TRANK1: variants seen among roughly 807,000 people sequenced by gnomAD.
The protein encoded by TRANK1 is tetratricopeptide repeat and ankyrin repeat containing 1.
In TRANK1, 198 loss-of-function variants were observed where a neutral mutation model predicts 266.0. That is an observed-to-expected ratio of 0.74 (90% CI 0.66 to 0.84). The LOEUF (loss-of-function observed/expected upper bound fraction) is 0.84, where lower values mean the gene tolerates loss of function less well. Among genes scored for constraint, TRANK1 ranks in the 40% least tolerant of loss-of-function variants. The pLI, the probability that TRANK1 is intolerant of heterozygous loss-of-function variation, is 0.00. For missense variants in TRANK1, 3,326 were observed against 3,634.6 expected (o/e 0.92, Z 2.18); for synonymous variants, 1,396 against 1,384.1 (o/e 1.01, Z -0.19).
chr3:36,923,946 A>T (rs2080252785), intron 1 of TRANK1, among the ~76,000 whole-genome samples: 1 of 151,628 alleles, frequency 6.6e-6, no homozygotes, highest in Non-Finnish European at 1.5e-5. Context: ...CCTGAAGGGA[A>T]GAAGACTCTC....
rs777917385 is a variant in TRANK1 at position 36,831,309 on chromosome 3, G to T, written c.8274C>A (p.Asn2758Lys). The T allele has an allele frequency of 5.6e-6, 9 of 1,613,346 alleles. No individual in the cohort carries two copies. Among genetic ancestry groups the T allele is most frequent in the South Asian group, 2.2e-5 (2 of 91,066 alleles). Residue 2758 changes from asparagine (N) to lysine (K), a missense_variant, in exon 22 of 24, where the codon AAC becomes AAA. Transcript: ENST00000645898. The surrounding 1 kb of genome is among the most constrained non-coding windows in gnomAD (Gnocchi z 5.0). ...REEAREPRAG[N>K]FKKADVDRTQ... is the part of the protein sequence containing the mutation. ...TCCTGTCCACGTCTGCCTTTTTGAA[G>T]TTCCCAGCCCTGGGCTCCCTGGCCT... is the stretch of plus-strand genomic sequence containing the variant.
intron 1 of TRANK1, among the ~76,000 whole-genome samples, chr3:36,926,581 G>C (rs1209794789): frequency 6.6e-6 from 1 of 151,934 alleles, no homozygotes; most frequent in Non-Finnish European, 1.5e-5. Flanking sequence ...GAAACTCCAA[G>C]GGGTCTGGCC....
At chr3:36,935,445 C>CTTTTTTT (rs11374436) in intron 1 of TRANK1, among the ~76,000 whole-genome samples, 4 of 83,704 alleles carry the variant, frequency 4.8e-5, no homozygotes, top group Admixed American at 1.4e-4. Flanking sequence ...TGCCTGAATT[C>CTTTTTTT]TTTTTTTTTT....
chr3:36,855,764 A>G lies in TRANK1; in HGVS notation c.3958T>C (p.Tyr1320His). 6.2e-7 allele frequency: 1 copy of G among 1,613,586 alleles called. No individual in the cohort carries two copies. The highest frequency in any genetic ancestry group is 8.5e-7 in the Non-Finnish European group (1 of 1,179,808). ...MRTGDSDPRVYVTFEVFKNEI... is the reference protein window; with the variant it reads ...MRTGDSDPRVHVTFEVFKNEI... Reference sequence around the variant, plus strand: ...TTTTTGAACACCTCAAACGTCACGTACACCCGGGGGTCACTGTCACCCGTA... The same window carrying G: ...TTTTTGAACACCTCAAACGTCACGTGCACCCGGGGGTCACTGTCACCCGTA... The change falls in exon 13 of 24, where the codon TAC becomes CAC. Residue 1320 changes from tyrosine (Y) to histidine (H), a missense_variant. Transcript: ENST00000645898.
At chr3:36,908,133 T>C (rs1264167901) in intron 2 of TRANK1, among the ~76,000 whole-genome samples, 190 bp downstream of exon 2, 1 of 152,236 alleles carries the variant, frequency 6.6e-6, no homozygotes, top group African/African-American at 2.4e-5. Context: ...TCCTCTATGT[T>C]TCACTTTCTA....
At chr3:36,873,955 T>C (rs2079347337) in intron 9 of TRANK1, among the ~76,000 whole-genome samples, 171 bp downstream of exon 9, 1 of 146,770 alleles carries the variant, frequency 6.8e-6, no homozygotes, top group South Asian at 2.1e-4. Context: ...CATTCTACCT[T>C]TAAAAAAAAA....
At chr3:36,830,563 G>A (rs1362891265) in intron 22 of TRANK1, among the ~76,000 whole-genome samples, 1 of 152,164 alleles carries the variant, frequency 6.6e-6, no homozygotes, top group East Asian at 1.9e-4. Context: ...CATTCTGACT[G>A]CCAGGAGAGA....
intron 20 of TRANK1, 24 bp from the exon 21 acceptor site, chr3:36,834,931 T>C: frequency 6.3e-7 from 1 of 1,582,460 alleles, no homozygotes; most frequent in Non-Finnish European, 8.6e-7. Flanking sequence ...AATTTTACTT[T>C]TATTTAGAGT....
intron 1 of TRANK1, among the ~76,000 whole-genome samples, chr3:36,909,343 A>ACTGCC (rs1235421761): frequency 2.2e-4 from 34 of 152,294 alleles, no homozygotes; most frequent in Admixed American, 1.2e-3. Flanking sequence ...GTTGGAGAGA[A>ACTGCC]CTGCCTGGCA....
chr3:36,912,576 G>A (rs1009397296), intron 1 of TRANK1, among the ~76,000 whole-genome samples: 2 of 152,220 alleles, frequency 1.3e-5, no homozygotes, highest in African/African-American at 4.8e-5. Flanking sequence ...GTTGGAAGCT[G>A]TCACAGGCTG....
At chr3:36,902,775 T>G (rs1048749722) in intron 3 of TRANK1, among the ~76,000 whole-genome samples, 1 of 152,248 alleles carries the variant, frequency 6.6e-6, no homozygotes, top group Non-Finnish European at 1.5e-5. Flanking sequence ...GCACAGATTA[T>G]GAGTTTGGGT....
intron 8 of TRANK1, among the ~76,000 whole-genome samples, chr3:36,874,618 T>G (rs906527680): frequency 1.3e-5 from 2 of 152,146 alleles, no homozygotes; most frequent in African/African-American, 4.8e-5. Flanking sequence ...AAGGATAACA[T>G]CAAGCTGTGA....
Position 36,852,203 on chromosome 3 carries a change from T to A in TRANK1, c.4692A>T (p.Ala1564=). ...VLESCSVSDL[A]ILLRGNKRKT... ...TCCTTTTATTCCCTCGTAGCAAAAT[T>A]GCCAAGTCGCTTACACTACAAGACT... is the stretch of plus-strand genomic sequence containing the variant. Residue 1564 remains alanine, a synonymous_variant, in exon 14 of 24, where the codon GCA becomes GCT. Coordinates refer to ENST00000645898, the MANE Select transcript of TRANK1 (RefSeq NM_001329998.2). 1 of 1,610,638 alleles carries A rather than the reference T, an allele frequency of 6.2e-7. No homozygotes were observed. The highest frequency in any genetic ancestry group is 8.5e-7 in the Non-Finnish European group (1 of 1,179,138).
Position 36,831,881 on chromosome 3 carries a change from C to G in TRANK1, c.7702G>C (p.Val2568Leu). The part of the protein sequence containing the change: ...EAERTLVLCL[V>L]MLVNAEEILQ... ...ATCTCCTCAGCATTCACTAGCATCA[C>G]CAAGCACAGCACCAGTGTCCGCTCA... Residue 2568 changes from valine to leucine, a missense_variant, in exon 22 of 24, where the codon GTG becomes CTG. Physicochemically the swap from Val to Leu is conservative, Grantham distance 32. Transcript: ENST00000645898. The surrounding 1 kb of genome is among the most constrained non-coding windows in gnomAD (Gnocchi z 5.0). 6.2e-7 allele frequency: 1 copy of G among 1,614,028 alleles called. No homozygotes were observed. The highest frequency in any genetic ancestry group is 8.5e-7 in the Non-Finnish European group (1 of 1,179,908).
chr3:36,898,920 GT>G (rs1026479136), intron 4 of TRANK1, among the ~76,000 whole-genome samples, 188 bp downstream of exon 4: 21 of 151,608 alleles, frequency 1.4e-4, no homozygotes, highest in African/African-American at 4.8e-4. Flanking sequence ...GGACTTCATT[GT>G]TTTCACAAAG....
At position 36,857,704 on chromosome 3, in the gene TRANK1, G is replaced by C. The variant is rs747817353; in HGVS notation, c.2018C>G (p.Pro673Arg). ...HLGKLSKSTA[P>R]GHTSQLKSQG... Reference sequence around the variant, plus strand: ...GGACTTGAGCTGAGATGTGTGACCAGGGGCAGTGGACTTTGAGAGCTTCCC... The same window carrying C: ...GGACTTGAGCTGAGATGTGTGACCACGGGCAGTGGACTTTGAGAGCTTCCC... Residue 673 changes from proline (P) to arginine (R), a missense_variant, in exon 13 of 24, where the codon CCT becomes CGT. Pro to Arg is a moderately radical substitution (Grantham distance 103). Coordinates refer to ENST00000645898, the MANE Select transcript of TRANK1 (RefSeq NM_001329998.2). The surrounding 1 kb of genome is among the most constrained non-coding windows in gnomAD (Gnocchi z 4.3). 3 of 1,613,886 alleles carry C rather than the reference G, an allele frequency of 1.9e-6. No individual in the cohort carries two copies. In the African/African-American group the frequency reaches 4.0e-5, roughly 22 times the overall value.
Position 36,866,872 on chromosome 3 carries a change from A to G in TRANK1, c.1079-2392T>C, listed in dbSNP as rs545954287. On this transcript the variant is annotated intron_variant, in intron 9 of 23. Transcript: ENST00000645898. ...ACATCTGCCACCCCTTCTGACACAC[A>G]TCTAAATCACACTTCAATAAATCAA... is the stretch of plus-strand genomic sequence containing the variant. Among the ~76,000 whole-genome samples, 5 of 152,222 alleles carry G rather than the reference A, an allele frequency of 3.3e-5. No individual in the cohort carries two copies. The South Asian group carries it at 1.0e-3, about 32-fold the overall frequency.
chr3:36,846,696 A>G (rs927683363), intron 16 of TRANK1, among the ~76,000 whole-genome samples: 5 of 152,146 alleles, frequency 3.3e-5, no homozygotes, highest in African/African-American at 4.8e-5. Context: ...TGTTTTTGCT[A>G]TAATTATTTT....
chr3:36,870,649 C>T (rs754614547), intron 9 of TRANK1, among the ~76,000 whole-genome samples: 12 of 152,110 alleles, frequency 7.9e-5, no homozygotes, highest in Non-Finnish European at 1.5e-4. Context: ...ACAAGTTTAC[C>T]ATTGAGTACG....
Sources: allele counts gnomAD v4.1 joint callset (sites outside exome capture counted in the v4.1 genomes callset), GRCh38; gene constraint gnomAD v4.1.1; non-coding constraint Gnocchi (gnomAD v3.1); transcripts MANE v1.5; gene names NCBI Gene and HGNC (gene_info 2026-07-23, HGNC 2026-07-21).